Variants in MBNL3 observed in about 807,000 individuals in gnomAD.
MBNL3 encodes the protein muscleblind-like protein 3.
Under a neutral mutation model 24.5 loss-of-function variants are expected in MBNL3, and 6 were observed. That is an observed-to-expected ratio of 0.25 (90% CI 0.13 to 0.48). The LOEUF (loss-of-function observed/expected upper bound fraction) is 0.48. MBNL3 is among the 20% of genes least tolerant of loss of function. The pLI is 0.99. For missense variants in MBNL3, 230 were observed against 293.5 expected (o/e 0.78, Z 1.58); for synonymous variants, 100 against 101.7 (o/e 0.98, Z 0.10).
intron 5 of MBNL3, among the ~76,000 whole-genome samples, chrX:132,388,752 T>A (rs915090742): frequency 3.6e-5 from 4 of 111,103 alleles, no homozygotes; most frequent in East Asian, 2.8e-4. Flanking sequence ...TTTTTTTTTT[T>A]AAATACAAGC....
intron 1 of MBNL3, among the ~76,000 whole-genome samples, chrX:132,470,549 A>AT (rs1254224774): frequency 1.8e-5 from 2 of 111,928 alleles, no homozygotes; most frequent in African/African-American, 6.5e-5. Context: ...TAAATGAGAC[A>AT]TTCCTAGAAA....
intron 1 of MBNL3, among the ~76,000 whole-genome samples, chrX:132,481,029 C>A (rs1947703619): frequency 9.0e-6 from 1 of 111,028 alleles, no homozygotes; most frequent in South Asian, 3.8e-4. Flanking sequence ...AAAAAAAAAA[C>A]TCTATATGGA....
chrX:132,436,805 G>T (rs750287606), intron 2 of MBNL3, among the ~76,000 whole-genome samples: 6 of 111,814 alleles, frequency 5.4e-5, no homozygotes, highest in Non-Finnish European at 1.1e-4. Flanking sequence ...TATCTAAATG[G>T]CAAATTAAGT....
chrX:132,410,191 T>C (rs1942527038), intron 2 of MBNL3, among the ~76,000 whole-genome samples: 1 of 112,105 alleles, frequency 8.9e-6, no homozygotes, highest in African/African-American at 3.2e-5. Context: ...TTCAGGCTTC[T>C]CCCAAATGAA....
intron 1 of MBNL3, among the ~76,000 whole-genome samples, chrX:132,471,546 C>T (rs754390799): frequency 1.8e-5 from 2 of 112,379 alleles, no homozygotes; most frequent in Non-Finnish European, 3.8e-5. Context: ...ACTAGCCAAG[C>T]GTGGTGGCAC....
intron 2 of MBNL3, chrX:132,411,186 C>T (rs1942680416): frequency 1.3e-6 from 1 of 752,160 alleles, no homozygotes; most frequent in Admixed American, 8.9e-5. Flanking sequence ...AGCACTGTAC[C>T]CACCTTCTTC....
At chrX:132,434,686 T>G (rs1945011658) in intron 2 of MBNL3, among the ~76,000 whole-genome samples, 1 of 112,021 alleles carries the variant, frequency 8.9e-6, no homozygotes, top group Non-Finnish European at 1.9e-5. Flanking sequence ...CAAGGTGAGA[T>G]GTATTTTACA....
intron 1 of MBNL3, among the ~76,000 whole-genome samples, chrX:132,488,201 T>TCTAGCTAGCTAGCTAG (rs746158801): frequency 3.6e-5 from 4 of 110,479 alleles, no homozygotes; most frequent in African/African-American, 1.3e-4. Context: ...TTATCTATCA[T>TCTAGCTAGCTAGCTAG]CTAGCTAGCT....
At chrX:132,416,198 A>G (rs1469944031) in intron 2 of MBNL3, among the ~76,000 whole-genome samples, 1 of 112,266 alleles carries the variant, frequency 8.9e-6, no homozygotes, top group East Asian at 2.8e-4. Flanking sequence ...GTACATATAC[A>G]CAATTGAATA....
chrX:132,410,109 TGACA>T (rs1322352040), intron 2 of MBNL3, among the ~76,000 whole-genome samples: 1 of 112,120 alleles, frequency 8.9e-6, no homozygotes, highest in Non-Finnish European at 1.9e-5. Context: ...AAGAAGTTGA[TGACA>T]GACAAAGGGA....
chrX:132,405,805 A>C (rs1241134217), intron 3 of MBNL3, among the ~76,000 whole-genome samples: 1 of 98,416 alleles, frequency 1.0e-5, no homozygotes, highest in African/African-American at 3.8e-5. Flanking sequence ...TGAACTCGGG[A>C]GGCAGAAGTT....
rs1207080697 is a variant in MBNL3 at position 132,373,925 on chromosome X, G to A, written c.*5741C>T. Reference sequence around the variant, plus strand: ...TCAAAAAACAGCTTCCACTGAACAGGTATAATGTAAATGAAGCCAGTTATA... The same window carrying A: ...TCAAAAAACAGCTTCCACTGAACAGATATAATGTAAATGAAGCCAGTTATA... On this transcript the variant is annotated 3_prime_UTR_variant, in exon 9 of 9. Coordinates refer to ENST00000370853, the MANE Select transcript of MBNL3 (RefSeq NM_001386889.1). The A allele has an allele frequency of 1.8e-5, 2 of 111,513 alleles. No individual in the cohort carries two copies. The highest frequency in any genetic ancestry group is 3.8e-5 in the Non-Finnish European group (2 of 52,946). The allele number at this position is 111,513 out of a possible 1,213,427, so 9.2% of individuals were successfully genotyped here. A position where few individuals can be genotyped will look rare whatever the true frequency, so the allele number is the denominator to read the frequency against.
Position 132,375,325 on chromosome X carries a change from A to G in MBNL3, c.*4341T>C, listed in dbSNP as rs1357735564. ...TTTGTTCTTAAATTGTGAACTGTAA[A>G]GGATAGTTTTGGACTATAATCTGTA... On this transcript the variant is annotated 3_prime_UTR_variant, in exon 9 of 9. Coordinates refer to ENST00000370853, the MANE Select transcript of MBNL3 (RefSeq NM_001386889.1). 1 of 111,605 alleles carries G rather than the reference A, an allele frequency of 9.0e-6. No homozygotes were observed. Among genetic ancestry groups the G allele is most frequent in the African/African-American group, 3.2e-5 (1 of 30,830 alleles). The allele number at this position is 111,605 out of a possible 1,213,427, so 9.2% of individuals were successfully genotyped here.
In MBNL3 at chrX:132,375,451, ATTAG is replaced by A. The variant is rs1050240552; in HGVS notation, c.*4211_*4214del. The A allele has an allele frequency of 2.7e-5, 3 of 111,398 alleles. No individual in the cohort carries two copies. Among genetic ancestry groups the A allele is most frequent in the African/African-American group, 9.8e-5 (3 of 30,680 alleles). 9.2% of individuals were successfully genotyped at this position (111,398 alleles called of 1,213,427 possible). On this transcript the variant is annotated 3_prime_UTR_variant, in exon 9 of 9. Transcript: ENST00000370853. ...TTAACTTTCCTTTGAAATTAAATTG[ATTAG>A]TTACTTAGAGCTACAAAAAAGCAAT...
In MBNL3 at chrX:132,400,962, A is replaced by G. The variant is rs764580077; in HGVS notation, c.342+5266T>C. 5.2e-4 allele frequency among the ~76,000 whole-genome samples: 58 copies of G among 112,148 alleles called. 1 individual carries two copies. The highest frequency in any genetic ancestry group is 1.7e-3 in the African/African-American group (54 of 30,924). On this transcript the variant is annotated intron_variant, in intron 3 of 8. Coordinates refer to ENST00000370853, the MANE Select transcript of MBNL3 (RefSeq NM_001386889.1). Reference sequence around the variant, plus strand: ...ATTTTGCAAAAATCATTTACAAAACATGTAATGTCACCACATCAAGATGAA... The same window carrying G: ...ATTTTGCAAAAATCATTTACAAAACGTGTAATGTCACCACATCAAGATGAA...
At chrX:132,404,447 G>A (rs1941457760) in intron 3 of MBNL3, among the ~76,000 whole-genome samples, 1 of 111,994 alleles carries the variant, frequency 8.9e-6, no homozygotes, top group Admixed American at 9.5e-5. Context: ...CAGAAAAAGC[G>A]TTTGCGCAAG....
intron 2 of MBNL3, among the ~76,000 whole-genome samples, chrX:132,420,097 C>T (rs1263112491): frequency 9.0e-6 from 1 of 111,184 alleles, no homozygotes; most frequent in African/African-American, 3.3e-5. Flanking sequence ...TCATGGATTC[C>T]AAGGAATGGA....
intron 1 of MBNL3, among the ~76,000 whole-genome samples, chrX:132,471,241 T>G (rs1026804575): frequency 5.3e-5 from 6 of 112,372 alleles, no homozygotes; most frequent in African/African-American, 1.9e-4. Flanking sequence ...CCCTAGTGGA[T>G]AGTTCTACAG....
chrX:132,427,016 C>T (rs1241170744), intron 2 of MBNL3, among the ~76,000 whole-genome samples: 1 of 111,609 alleles, frequency 9.0e-6, no homozygotes, highest in African/African-American at 3.3e-5. Context: ...CTTACAAATT[C>T]AGTGCTGCTG....
Sources: gnomAD v4.1 joint callset for allele counts (sites outside exome capture counted in the v4.1 genomes callset) on GRCh38, gnomAD v4.1.1 for gene constraint, MANE v1.5 for transcripts, NCBI Gene and HGNC (gene_info 2026-07-23, HGNC 2026-07-21) for gene names.